The following CHRNB4 variants were observed in gnomAD, a reference collection of about 807,000 sequenced individuals.
The protein encoded by CHRNB4 is cholinergic receptor nicotinic beta 4 subunit.
Under a neutral mutation model 40.4 loss-of-function variants are expected in CHRNB4, and 23 were observed. The observed-to-expected ratio is 0.57, with a 90% CI of 0.41 to 0.81. The LOEUF is 0.81. CHRNB4 is among the 30% of genes least tolerant of loss of function. CHRNB4 has a pLI of 0.00. For missense variants in CHRNB4, 568 were observed against 670.6 expected (o/e 0.85, Z 1.69); for synonymous variants, 285 against 274.4 (o/e 1.04, Z -0.38).
At chr15:78,638,714 G>A (rs1044008422) in intron 1 of CHRNB4, among the ~76,000 whole-genome samples, 4 of 152,350 alleles carry the variant, frequency 2.6e-5, no homozygotes, top group South Asian at 2.1e-4. Context: ...AAAAAGGGGC[G>A]ACGGAGCCCA....
intron 1 of CHRNB4, among the ~76,000 whole-genome samples, chr15:78,659,516 G>A (rs1239307564): frequency 6.6e-6 from 1 of 152,218 alleles, no homozygotes; most frequent in Non-Finnish European, 1.5e-5. Context: ...GTGATGTGCT[G>A]CAGGGTGACA....
chr15:78,637,397 A>C (rs1469997898), intron 1 of CHRNB4, among the ~76,000 whole-genome samples: 3 of 152,022 alleles, frequency 2.0e-5, no homozygotes, highest in Non-Finnish European at 2.9e-5. Context: ...ACATCTGAGG[A>C]GGCAAGCCTG....
chr15:78,657,731 T>G (rs995939640), intron 2 of CHRNB4, among the ~76,000 whole-genome samples: 8 of 151,956 alleles, frequency 5.3e-5, no homozygotes, highest in African/African-American at 1.9e-4. Flanking sequence ...TTTTTGTATT[T>G]TTAGTAGAGA....
intron 1 of CHRNB4, among the ~76,000 whole-genome samples, chr15:78,639,495 T>TCACCACATCAGC (rs1367180376): frequency 6.6e-6 from 1 of 152,140 alleles, no homozygotes; most frequent in Non-Finnish European, 1.5e-5. Context: ...AGACGGGGTT[T>TCACCACATCAGC]CACCACATCA....
At chr15:78,635,689 G>T in intron 1 of CHRNB4, 102 bp from the exon 2 acceptor site, 1 of 1,516,578 alleles carries the variant, frequency 6.6e-7, no homozygotes, top group Non-Finnish European at 9.0e-7. Context: ...GGTGCCCTTA[G>T]GGCTGGCTGA....
chr15:78,626,337 C>CGGGG (rs1435066888), intron 5 of CHRNB4: 41 of 109,522 alleles, frequency 3.7e-4, no homozygotes, highest in African/African-American at 1.3e-3. Flanking sequence ...TAATTTCAAG[C>CGGGG]GGGGGTGTGT....
intron 7 of CHRNB4, among the ~76,000 whole-genome samples, chr15:78,647,129 G>C (rs374691166): frequency 1.1e-4 from 16 of 152,310 alleles, no homozygotes; most frequent in African/African-American, 3.6e-4. Context: ...AACAAAGTGG[G>C]ACTGTCTCAG....
chr15:78,632,037 T>C (rs1479990795), intron 2 of CHRNB4, among the ~76,000 whole-genome samples: 1 of 152,178 alleles, frequency 6.6e-6, no homozygotes, highest in Non-Finnish European at 1.5e-5. Flanking sequence ...CTGGGATGCT[T>C]CCACACTTTA....
At chr15:78,658,962 G>A (rs571253584) in intron 1 of CHRNB4, among the ~76,000 whole-genome samples, 1 of 152,216 alleles carries the variant, frequency 6.6e-6, no homozygotes, top group Admixed American at 6.5e-5. Flanking sequence ...GCAGCAGAAA[G>A]GAGGGTGAAG....
upstream of CHRNB4, chr15:78,661,280 G>A (rs2054251020): frequency 1.7e-6 from 1 of 600,576 alleles, no homozygotes; most frequent in South Asian, 1.4e-5. Context: ...TGAGGATGCG[G>A]CGGCAGCCCG....
rs1395303110 is a variant in CHRNB4 at position 78,641,112 on chromosome 15, C to T, written c.22G>A (p.Val8Ile). 2.5e-6 allele frequency: 4 copies of T among 1,580,230 alleles called. No homozygotes were observed. The highest frequency in any genetic ancestry group is 1.4e-5 in the African/African-American group (1 of 73,892). Residue 8 changes from valine to isoleucine, a missense_variant, in exon 1 of 6, where the codon GTC becomes ATC. By Grantham distance (29) the Val-to-Ile change is conservative. This residue lies in a region of CHRNB4 where 161 missense variants were observed against 148.1 expected (regional missense o/e 1.09). Transcript: ENST00000261751. MRRAPSL[V>I]LFFLVALCGR... is the part of the protein sequence containing the mutation. ...CAAAGGGCGACCAGGAAGAAAAGGA[C>T]CAGGGAAGGCGCGCGCCTCATGGCC...
chr15:78,645,833 G>C (rs2141404496), upstream of CHRNB4, among the ~76,000 whole-genome samples: 1 of 152,232 alleles, frequency 6.6e-6, no homozygotes, highest in African/African-American at 2.4e-5. Flanking sequence ...GCTGGGGCGG[G>C]TGGATAATGA....
intron 5 of CHRNB4, among the ~76,000 whole-genome samples, chr15:78,654,186 T>C (rs915077322): frequency 1.3e-5 from 2 of 152,264 alleles, no homozygotes; most frequent in South Asian, 2.1e-4. Context: ...AGCCTAATGC[T>C]CTGTACCAGG....
At chr15:78,634,429 G>A (rs1039828519) in intron 2 of CHRNB4, among the ~76,000 whole-genome samples, 6 of 152,208 alleles carry the variant, frequency 3.9e-5, no homozygotes, top group African/African-American at 1.4e-4. Context: ...CTTCTGGTCC[G>A]ACTACGGAGG....
At chr15:78,647,574 C>T (rs1386220943) in intron 7 of CHRNB4, among the ~76,000 whole-genome samples, 3 of 151,230 alleles carry the variant, frequency 2.0e-5, no homozygotes, top group Non-Finnish European at 2.9e-5. Flanking sequence ...CAGCCGGGTG[C>T]AGTGGCTCAC....
chr15:78,649,341 C>T (rs2054152541), intron 7 of CHRNB4: 4 of 442,014 alleles, frequency 9.0e-6, no homozygotes, highest in South Asian at 3.3e-5. Flanking sequence ...AGATGTCCAT[C>T]AACAAGAACA....
intron 5 of CHRNB4, among the ~76,000 whole-genome samples, chr15:78,653,129 A>T (rs954753541): frequency 1.3e-5 from 2 of 152,204 alleles, no homozygotes; most frequent in Non-Finnish European, 2.9e-5. Context: ...TATCTCCTTT[A>T]TAACAGATGG....
rs775858779 is a variant in CHRNB4 at position 78,635,578 on chromosome 15, C to T, written c.65G>A (p.Arg22His). The T allele has an allele frequency of 1.5e-5, 24 of 1,613,938 alleles. No homozygotes were observed. Among genetic ancestry groups the T allele is most frequent in the Middle Eastern group, 1.6e-4 (1 of 6,082 alleles). Residue 22 changes from arginine to histidine, a missense_variant, in exon 2 of 6, where the codon CGC becomes CAC. Transcript: ENST00000261751. ...LVALCGRGNC[R>H]VANAEEKLMD... The stretch of plus-strand genomic sequence containing the variant: ...CAGCTTTTCCTCCGCATTGGCCACG[C>T]GGCAGTTCCCTGAGAAAACACACAG...
At chr15:78,626,804 G>A (rs2053670587) in intron 5 of CHRNB4, 1 of 152,246 alleles carries the variant, frequency 6.6e-6, no homozygotes, top group Non-Finnish European at 1.5e-5. Context: ...TGTGATTGGA[G>A]CTTAATGAAC....
Sources: gnomAD v4.1 joint callset for allele counts (sites outside exome capture counted in the v4.1 genomes callset) on GRCh38, gnomAD v4.1.1 for gene constraint, gnomAD v4.1.1 regional missense constraint, MANE v1.5 for transcripts, NCBI Gene and HGNC (gene_info 2026-07-23, HGNC 2026-07-21) for gene names.